The following ABR variants were observed in gnomAD, a reference collection of about 807,000 sequenced individuals.
ABR encodes active breakpoint cluster region-related protein.
Under a neutral mutation model 107.2 loss-of-function variants are expected in ABR, and 35 were observed. The ratio of observed to expected loss-of-function variants is 0.33; its 90% confidence interval spans 0.25 to 0.43. ABR has a LOEUF of 0.43. Among genes scored for constraint, ABR ranks in the 20% least tolerant of loss-of-function variants. The pLI is 1.00. For synonymous variants in ABR, 498 were observed against 462.0 expected, an observed-to-expected ratio of 1.08 and a Z score of -1.00; for missense variants, 815 against 1,115.2, an observed-to-expected ratio of 0.73 and a Z score of 3.83.
At chr17:1,209,425 C>T (rs572108969) in intron 1 of ABR, among the ~76,000 whole-genome samples, 22 of 152,180 alleles carry the variant, frequency 1.4e-4, no homozygotes, top group African/African-American at 5.1e-4. Context: ...TACAGGCATG[C>T]GCCACCACGC....
intron 2 of ABR, among the ~76,000 whole-genome samples, chr17:1,103,088 G>A (rs1261828316): frequency 4.6e-5 from 7 of 152,164 alleles, no homozygotes; most frequent in Admixed American, 4.6e-4. Context: ...ATTTGTTTCA[G>A]CAGCATTAGA....
chr17:1,028,768 G>A (rs929333968), intron 16 of ABR, among the ~76,000 whole-genome samples: 1 of 152,216 alleles, frequency 6.6e-6, no homozygotes, highest in African/African-American at 2.4e-5. Flanking sequence ...TGCCGGCTCA[G>A]CCTGAGTCCC....
chr17:1,051,011 C>T lies in ABR; in HGVS notation c.1562-377G>A, dbSNP rs190828042. 1.3e-3 allele frequency among the ~76,000 whole-genome samples: 204 copies of T among 152,246 alleles called. 1 individual carries two copies. Among genetic ancestry groups the T allele is most frequent in the African/African-American group, 4.2e-3 (175 of 41,536 alleles). ...CTCCACATCTTCCTCACCATGGAGA[C>T]GACACCACAAACTCTTCACTGACCG... On this transcript the variant is annotated intron_variant, in intron 14 of 22. Transcript: ENST00000302538. The surrounding 1 kb of genome is among the most constrained non-coding windows in gnomAD (Gnocchi z 4.3).
At chr17:1,211,757 A>G (rs1037609330) in intron 1 of ABR, among the ~76,000 whole-genome samples, 12 of 152,130 alleles carry the variant, frequency 7.9e-5, no homozygotes, top group African/African-American at 2.9e-4. Flanking sequence ...TGCCTTCAGC[A>G]ATGCTAGCAA....
intron 1 of ABR, among the ~76,000 whole-genome samples, chr17:1,129,049 TC>T (rs1434978773): frequency 6.6e-6 from 1 of 152,230 alleles, no homozygotes; most frequent in Non-Finnish European, 1.5e-5. Context: ...TTCCCTGACG[TC>T]CCCGCTTCGG....
intron 16 of ABR, among the ~76,000 whole-genome samples, chr17:1,046,693 G>A (rs2260053): frequency 0.32 from 49,096 of 152,118 alleles, 8,669 homozygotes; most frequent in East Asian, 0.65. Context: ...GTCCGGGCTG[G>A]GGGATTCGTT....
intron 16 of ABR, among the ~76,000 whole-genome samples, chr17:1,046,094 C>T (rs1006785096): frequency 1.3e-5 from 2 of 152,222 alleles, no homozygotes; most frequent in African/African-American, 2.4e-5. Context: ...TGGTTTCGAA[C>T]TCCTGACCTC....
At position 1,013,107 on chromosome 17, in the gene ABR, C is replaced by A; in HGVS notation, c.1849G>T (p.Gly617Trp). 1.2e-6 allele frequency: 2 copies of A among 1,614,094 alleles called. No homozygotes were observed. The highest frequency in any genetic ancestry group is 1.7e-6 in the Non-Finnish European group (2 of 1,179,972). Residue 617 changes from glycine (G) to tryptophan (W), a missense_variant and splice_region_variant, in exon 17 of 23, where the codon GGG (glycine) becomes TGG (tryptophan). Gly to Trp is a radical substitution (Grantham distance 184, BLOSUM62 -2). Transcript: ENST00000302538. ...NWHTDVIEMN[G>W]IKVEFSMKFT... The stretch of plus-strand genomic sequence containing the variant: ...GATCATTCCCATCCCCGGCTCACCC[C>A]GTTCATCTCAATCACGTCCGTGTGC...
chr17:1,008,951 C>T (rs1017026098), intron 21 of ABR, among the ~76,000 whole-genome samples: 1 of 152,200 alleles, frequency 6.6e-6, no homozygotes, highest in African/African-American at 2.4e-5. Flanking sequence ...GTTGAGGGCT[C>T]TAAGGACAGG....
At chr17:1,056,802 A>AAAGCT (rs2151069778) in intron 13 of ABR, among the ~76,000 whole-genome samples, 196 bp downstream of exon 13, 1 of 152,324 alleles carries the variant, frequency 6.6e-6, no homozygotes, top group African/African-American at 2.4e-5. Context: ...GGCCCAAGGA[A>AAAGCT]AAGCTGGGGT....
rs534282202 is a variant in ABR, at chr17:1,062,396, C to T, written c.1183-3529G>A. Reference sequence around the variant, plus strand: ...TGTGAACTGAGGGCTATGCATGTTCCTCTAGACACTGTTGTTACGTGAACT... The same window carrying T: ...TGTGAACTGAGGGCTATGCATGTTCTTCTAGACACTGTTGTTACGTGAACT... On this transcript the variant is annotated intron_variant, in intron 10 of 22. Transcript: ENST00000302538. Among the ~76,000 whole-genome samples, 738 of 144,326 alleles carry T rather than the reference C, an allele frequency of 5.1e-3. 1 individual carries two copies. Among genetic ancestry groups the T allele is most frequent in the African/African-American group, 0.018 (699 of 38,676 alleles). 94.7% of individuals were successfully genotyped at this position (144,326 alleles called of 152,430 possible).
At chr17:1,186,616 T>G (rs1293637377) in intron 1 of ABR, among the ~76,000 whole-genome samples, 2 of 152,226 alleles carry the variant, frequency 1.3e-5, no homozygotes, top group Admixed American at 6.5e-5. Context: ...GCAGAGCCGC[T>G]GGCTTAGATT....
At chr17:1,041,245 G>A (rs995980278) in intron 16 of ABR, among the ~76,000 whole-genome samples, 7 of 152,094 alleles carry the variant, frequency 4.6e-5, no homozygotes, top group African/African-American at 1.7e-4. Context: ...TTTACCAGAC[G>A]GTGAGGTCCT....
At chr17:1,134,091 G>A (rs2039956299) in intron 1 of ABR, among the ~76,000 whole-genome samples, 1 of 152,134 alleles carries the variant, frequency 6.6e-6, no homozygotes, top group East Asian at 1.9e-4. Context: ...ACCAGCCTGG[G>A]CAAGATGGTG....
chr17:1,009,823 G>A (rs764694961), intron 20 of ABR, 39 bp from the exon 21 acceptor site: 2 of 1,569,344 alleles, frequency 1.3e-6, no homozygotes, highest in Admixed American at 3.3e-5. Flanking sequence ...TTGGCTCCTG[G>A]GGCTCCCCGC....
At chr17:1,217,809 C>T (rs768691225) in intron 1 of ABR, among the ~76,000 whole-genome samples, 1 of 152,232 alleles carries the variant, frequency 6.6e-6, no homozygotes, top group Non-Finnish European at 1.5e-5. Context: ...ATTCTCCTGC[C>T]TCAGCCTCCT....
upstream of ABR, among the ~76,000 whole-genome samples, chr17:1,189,201 C>G (rs2042380242): frequency 6.6e-6 from 1 of 152,170 alleles, no homozygotes; most frequent in Non-Finnish European, 1.5e-5. Context: ...GGAGCAGTCC[C>G]AGGCTCACGA....
At chr17:1,123,807 G>A (rs1723728882) in intron 2 of ABR, among the ~76,000 whole-genome samples, 1 of 152,298 alleles carries the variant, frequency 6.6e-6, no homozygotes, top group African/African-American at 2.4e-5. Flanking sequence ...CTGAACACCT[G>A]CTCTGCCTCC....
chr17:1,220,290 A>T (rs915295047), intron 1 of ABR, among the ~76,000 whole-genome samples: 1 of 68,384 alleles, frequency 1.5e-5, no homozygotes, highest in African/African-American at 8.2e-5. Flanking sequence ...GACTCCGTCT[A>T]AAAAAAAAAA....
Sources: gnomAD v4.1 joint callset for allele counts (sites outside exome capture counted in the v4.1 genomes callset) on GRCh38, gnomAD v4.1.1 for gene constraint, Gnocchi (gnomAD v3.1) non-coding constraint, MANE v1.5 for transcripts, NCBI Gene and HGNC (gene_info 2026-07-23, HGNC 2026-07-21) for gene names.